Variants in HOXD3 observed in about 807,000 individuals in gnomAD.
HOXD3 encodes homeobox protein Hox-D3.
HOXD3 carries 13 observed loss-of-function variants against 32.8 expected under a neutral mutation model. The ratio of observed to expected loss-of-function variants is 0.40; its 90% CI spans 0.26 to 0.63. HOXD3 has a LOEUF of 0.63. Among genes scored for constraint, HOXD3 ranks in the 20% least tolerant of loss-of-function variants. The pLI is 0.44. For synonymous variants in HOXD3, 241 were observed against 246.8 expected (o/e 0.98, Z 0.22); for missense variants, 504 against 577.1 (o/e 0.87, Z 1.30).
intron 1 of HOXD3, among the ~76,000 whole-genome samples, chr2:176,162,515 C>A (rs1368538015): frequency 1.3e-5 from 2 of 152,168 alleles, no homozygotes; most frequent in African/African-American, 2.4e-5. Flanking sequence ...CCAAAGCCAG[C>A]CCGGTTAAGG....
rs555258393 is a variant in HOXD3 at position 176,169,015 on chromosome 2, G to C, written c.-84-16G>C. ...AATGACACTCCCTCTGGGGCCTCTT[G>C]CTTTTCTTCTGACAGGTCACCTGGA... On this transcript the variant is annotated splice_polypyrimidine_tract_variant and intron_variant, in intron 2 of 3. Coordinates refer to ENST00000683222, the MANE Select transcript of HOXD3 (RefSeq NM_006898.5). The C allele has an allele frequency of 3.2e-4, 482 of 1,485,122 alleles. 1 individual carries two copies. Among genetic ancestry groups the C allele is most frequent in the South Asian group, 1.0e-3 (74 of 70,724 alleles). The allele number at this position is 1,485,122 out of a possible 1,614,324, so 92.0% of individuals were successfully genotyped here. A position where few individuals can be genotyped will look rare whatever the true frequency, so the allele number is the denominator to read the frequency against.
At chr2:176,170,984 T>A (rs1238203828) in intron 3 of HOXD3, among the ~76,000 whole-genome samples, 2 of 152,190 alleles carry the variant, frequency 1.3e-5, no homozygotes, top group Non-Finnish European at 2.9e-5. Flanking sequence ...GCAGTTGGGC[T>A]GCAGTGGGGC....
intron 1 of HOXD3, among the ~76,000 whole-genome samples, chr2:176,160,257 T>C (rs1363652053): frequency 6.6e-6 from 1 of 152,210 alleles, no homozygotes; most frequent in African/African-American, 2.4e-5. Context: ...CAGCCTCTGC[T>C]GCTCCACGGC....
upstream of HOXD3, chr2:176,153,112 C>G: frequency 1.7e-6 from 1 of 602,568 alleles, no homozygotes; most frequent in South Asian, 1.9e-5. Flanking sequence ...GCAGCCCCCT[C>G]CCTAGAGCGG....
chr2:176,154,399 A>T (rs1165440207), upstream of HOXD3, among the ~76,000 whole-genome samples: 1 of 152,164 alleles, frequency 6.6e-6, no homozygotes, highest in African/African-American at 2.4e-5. Context: ...GAGTTCATAT[A>T]CTCAGATGAA....
At chr2:176,171,494 T>C in intron 3 of HOXD3, 23 bp from the exon 4 acceptor site, 15 of 1,556,518 alleles carry the variant, frequency 9.6e-6, no homozygotes, top group Non-Finnish European at 1.3e-5. Flanking sequence ...CTCAGCGCCC[T>C]CCCTCTCTCC....
At chr2:176,168,278 A>AAAAC (rs1691052344) in intron 2 of HOXD3, among the ~76,000 whole-genome samples, 1 of 150,952 alleles carries the variant, frequency 6.6e-6, no homozygotes, top group Non-Finnish European at 1.5e-5. Context: ...AAAAAAAAAA[A>AAAAC]AACTAAGAGC....
At chr2:176,152,839 C>A (rs775884827), upstream of HOXD3, 20 of 1,614,200 alleles carry the variant, frequency 1.2e-5, no homozygotes, top group South Asian at 2.0e-4. The surrounding 1 kb of genome is among the most constrained non-coding windows in gnomAD (Gnocchi z 5.2). Context: ...AAAGGCAGGT[C>A]ATCGTCCTCA....
chr2:176,157,469 C>G lies in HOXD3; in HGVS notation c.-181+17C>G, dbSNP rs1690673280. On this transcript the variant is annotated intron_variant, in intron 1 of 3. Transcript: ENST00000683222. ...CGGCCGCAGGTAAATATTTTGGCAA[C>G]TTTTATTTCATCAGATTTAAATCCT... 6.6e-6 allele frequency among the ~76,000 whole-genome samples: 1 copy of G among 152,166 alleles called. No homozygotes were observed. Among genetic ancestry groups the G allele is most frequent in the Non-Finnish European group, 1.5e-5 (1 of 68,028 alleles).
At chr2:176,166,365 A>G (rs1385763637) in intron 2 of HOXD3, among the ~76,000 whole-genome samples, 2 of 152,202 alleles carry the variant, frequency 1.3e-5, no homozygotes, top group African/African-American at 4.8e-5. Context: ...GGGAGGCAGG[A>G]GGGTGAATGT....
At position 176,172,407 on chromosome 2, in the gene HOXD3, G is replaced by A. The variant is rs369602867; in HGVS notation, c.*133G>A. 1.3e-5 allele frequency: 12 copies of A among 889,842 alleles called. No individual in the cohort carries two copies. In the East Asian group the frequency reaches 2.7e-4, roughly 20 times the overall value. The allele number at this position is 889,842 out of a possible 1,614,324, so 55.1% of individuals were successfully genotyped here. A position where few individuals can be genotyped will look rare whatever the true frequency, so the allele number is the denominator to read the frequency against. On this transcript the variant is annotated 3_prime_UTR_variant, in exon 4 of 4. Coordinates refer to ENST00000683222, the MANE Select transcript of HOXD3 (RefSeq NM_006898.5). ...CCCTGCCGCCGCCTCCCGGGTCTCA[G>A]GCCTCCAGCGGCGGAGGCGCAGGCG...
Position 176,172,419 on chromosome 2 carries a change from C to G in HOXD3, c.*145C>G, listed in dbSNP as rs1340129718. 7.2e-5 allele frequency: 57 copies of G among 794,064 alleles called. No individual in the cohort carries two copies. Among genetic ancestry groups the G allele is most frequent in the Non-Finnish European group, 5.8e-6 (3 of 520,668 alleles). The allele number at this position is 794,064 out of a possible 1,614,324, so 49.2% of individuals were successfully genotyped here. A position where few individuals can be genotyped will look rare whatever the true frequency, so the allele number is the denominator to read the frequency against. Reference sequence around the variant, plus strand: ...CTCCCGGGTCTCAGGCCTCCAGCGGCGGAGGCGCAGGCGACCGGGCCTCCC... The same window carrying G: ...CTCCCGGGTCTCAGGCCTCCAGCGGGGGAGGCGCAGGCGACCGGGCCTCCC... On this transcript the variant is annotated 3_prime_UTR_variant, in exon 4 of 4. Transcript: ENST00000683222.
rs1691232173 is a variant in HOXD3, at chr2:176,172,526, C to A, written c.*252C>A. 5.7e-6 allele frequency: 3 copies of A among 524,888 alleles called. No individual in the cohort carries two copies. The highest frequency in any genetic ancestry group is 1.0e-5 in the Non-Finnish European group (3 of 297,984). The allele number at this position is 524,888 out of a possible 1,614,324, so 32.5% of individuals were successfully genotyped here. ...GTAAATTTGACAGTGCCACATACTG[C>A]GGACCAAGGGACTCCAATCTGGTAA... On this transcript the variant is annotated 3_prime_UTR_variant, in exon 4 of 4. Coordinates refer to ENST00000683222, the MANE Select transcript of HOXD3 (RefSeq NM_006898.5).
chr2:176,170,594 T>C (rs1038902350), intron 3 of HOXD3, among the ~76,000 whole-genome samples: 1 of 152,182 alleles, frequency 6.6e-6, no homozygotes, highest in Non-Finnish European at 1.5e-5. Context: ...CAGGGCAAGT[T>C]TGGGGCCTGG....
At chr2:176,155,814 C>T (rs1337617584), upstream of HOXD3, among the ~76,000 whole-genome samples, 1 of 152,152 alleles carries the variant, frequency 6.6e-6, no homozygotes, top group Non-Finnish European at 1.5e-5. Flanking sequence ...TGTTGGGGTC[C>T]TGACTGGGGG....
rs1559142118 is a variant in HOXD3 at position 176,171,509 on chromosome 2, C to CT, written c.542-7dup. The CT allele has an allele frequency of 6.4e-7, 1 of 1,570,740 alleles. No homozygotes were observed. The highest frequency in any genetic ancestry group is 1.7e-5 in the Admixed American group (1 of 57,232). On this transcript the variant is annotated splice_polypyrimidine_tract_variant and splice_region_variant and intron_variant, in intron 3 of 3. Transcript: ENST00000683222. Reference sequence around the variant, plus strand: ...CTCAGCGCCCTCCCTCTCTCCCTCCCTGCCCAGGAGAGAGCTGCGAGGACA... The same window carrying CT: ...CTCAGCGCCCTCCCTCTCTCCCTCCCTTGCCCAGGAGAGAGCTGCGAGGACA...
At chr2:176,167,818 T>C (rs1691026891) in intron 2 of HOXD3, among the ~76,000 whole-genome samples, 1 of 151,402 alleles carries the variant, frequency 6.6e-6, no homozygotes, top group African/African-American at 2.4e-5. Flanking sequence ...ATTCACCTAT[T>C]CAACAAGCAT....
chr2:176,155,592 T>C (rs1236199522), upstream of HOXD3, among the ~76,000 whole-genome samples: 1 of 152,196 alleles, frequency 6.6e-6, no homozygotes, highest in Non-Finnish European at 1.5e-5. Context: ...AGCATCCATT[T>C]GGGCCCACAG....
chr2:176,159,680 A>G (rs1262140062), intron 1 of HOXD3, among the ~76,000 whole-genome samples: 1 of 152,194 alleles, frequency 6.6e-6, no homozygotes. Flanking sequence ...CATTCCCACC[A>G]GCCACTCGGA....
Sources: gnomAD v4.1 joint callset for allele counts (sites outside exome capture counted in the v4.1 genomes callset) on GRCh38, gnomAD v4.1.1 for gene constraint, Gnocchi (gnomAD v3.1) non-coding constraint, MANE v1.5 for transcripts, NCBI Gene and HGNC (gene_info 2026-07-23, HGNC 2026-07-21) for gene names.